KANK1: variants seen among roughly 807,000 people sequenced by gnomAD.
The protein encoded by KANK1 is KN motif and ankyrin repeat domain-containing protein 1.
In KANK1, 109 loss-of-function variants were observed where a neutral mutation model predicts 106.2. That is an observed-to-expected ratio of 1.03 (90% CI 0.88 to 1.20). The LOEUF (loss-of-function observed/expected upper bound fraction) is 1.20, where lower values mean the gene tolerates loss of function less well. KANK1 is among the 50% of genes most tolerant of loss of function. The probability of loss-of-function intolerance (pLI) is 0.00; values close to 1 mark genes in which losing one functional copy is unlikely to be tolerated. For missense variants in KANK1, 2,399 were observed against 1,710.7 expected, an observed-to-expected ratio of 1.40 and a Z score of -7.10; for synonymous variants, 873 against 652.2, an observed-to-expected ratio of 1.34 and a Z score of -5.16.
intron 3 of KANK1, among the ~76,000 whole-genome samples, chr9:724,208 T>C (rs1413399415): frequency 1.3e-5 from 2 of 152,212 alleles, no homozygotes; most frequent in African/African-American, 2.4e-5. Context: ...TTGCATTTTT[T>C]AGAGTTCTTT....
intron 3 of KANK1, among the ~76,000 whole-genome samples, chr9:723,986 C>T: frequency 6.6e-6 from 1 of 150,890 alleles, no homozygotes; most frequent in East Asian, 1.9e-4. Flanking sequence ...GTCTGTGGTC[C>T]CAGCTATTTG....
chr9:598,314 C>A (rs1826730959), intron 1 of KANK1, among the ~76,000 whole-genome samples: 1 of 151,040 alleles, frequency 6.6e-6, no homozygotes, highest in Non-Finnish European at 1.5e-5. Flanking sequence ...CAACTTTTTT[C>A]TTTTTTTTAG....
rs1204222837 is a variant in KANK1, at chr9:504,729, C to A, written c.-109C>A. ...GTCCGCGGCGGAGCGAGCGAGCGGC[C>A]GGCAGGTTGGGAGGAGCGGCCGAAG... On this transcript the variant is annotated 5_prime_UTR_variant, in exon 1 of 12. Transcript: ENST00000382297. 1 of 149,088 alleles carries A rather than the reference C, an allele frequency of 6.7e-6. No homozygotes were observed. Among genetic ancestry groups the A allele is most frequent in the East Asian group, 2.0e-4 (1 of 4,926 alleles). 9.2% of individuals were successfully genotyped at this position (149,088 alleles called of 1,614,324 possible).
At chr9:507,382 T>A (rs1314763080) in intron 1 of KANK1, among the ~76,000 whole-genome samples, 2 of 151,952 alleles carry the variant, frequency 1.3e-5, no homozygotes, top group African/African-American at 2.4e-5. Flanking sequence ...ACCATAGGTA[T>A]ACATATCCCA....
intron 2 of KANK1, chr9:681,073 G>A (rs1817465915): frequency 6.6e-6 from 1 of 152,178 alleles, no homozygotes; most frequent in Non-Finnish European, 1.5e-5. Context: ...TTTTAAATTA[G>A]CCAGGCATAG....
intron 1 of KANK1, among the ~76,000 whole-genome samples, 180 bp from the exon 2 acceptor site, chr9:676,710 C>T (rs565175704): frequency 2.6e-5 from 4 of 152,280 alleles, no homozygotes; most frequent in African/African-American, 4.8e-5. Context: ...CTGGTACATC[C>T]GTGGGTGTTA....
intron 1 of KANK1, among the ~76,000 whole-genome samples, chr9:619,416 G>T (rs1036584847): frequency 2.0e-5 from 3 of 152,176 alleles, no homozygotes; most frequent in African/African-American, 7.2e-5. Context: ...GATGGGTAGA[G>T]TATAATTGTC....
At chr9:699,671 T>G (rs1008288533) in intron 2 of KANK1, among the ~76,000 whole-genome samples, 11 of 152,222 alleles carry the variant, frequency 7.2e-5, no homozygotes, top group African/African-American at 2.7e-4. Context: ...ATGCTACATA[T>G]GTGTCAACTG....
At chr9:568,580 C>A (rs1434475948) in intron 1 of KANK1, among the ~76,000 whole-genome samples, 1 of 152,258 alleles carries the variant, frequency 6.6e-6, no homozygotes, top group Middle Eastern at 3.4e-3. Flanking sequence ...ACCTCAAACT[C>A]CTGGGCTCAA....
intron 1 of KANK1, among the ~76,000 whole-genome samples, chr9:655,665 ACC>A (rs2137788210): frequency 6.6e-6 from 1 of 152,286 alleles, no homozygotes; most frequent in East Asian, 1.9e-4. Context: ...GAAAGTGTTG[ACC>A]TATGTAAGTG....
chr9:496,328 C>T (rs889489628), intron 3 of KANK1, among the ~76,000 whole-genome samples: 12 of 152,130 alleles, frequency 7.9e-5, no homozygotes, highest in East Asian at 1.9e-4. Context: ...CCGAGGCGAG[C>T]GGATCACTTG....
intron 1 of KANK1, among the ~76,000 whole-genome samples, chr9:630,536 G>A (rs1006836191): frequency 3.3e-5 from 5 of 152,144 alleles, no homozygotes; most frequent in Non-Finnish European, 7.3e-5. Flanking sequence ...GGGCGACAGA[G>A]CGAGACTCAG....
chr9:691,723 C>T (rs1489058875), intron 2 of KANK1, among the ~76,000 whole-genome samples: 3 of 148,078 alleles, frequency 2.0e-5, no homozygotes, highest in Non-Finnish European at 4.4e-5. Context: ...AAGTAATCCT[C>T]CCAGTCTCAG....
rs190660037 is a variant in KANK1, at chr9:510,365, A to T, written c.-84+5611A>T. On this transcript the variant is annotated intron_variant, in intron 1 of 11. Coordinates refer to ENST00000382297, the MANE Select transcript of KANK1 (RefSeq NM_015158.5). ...ACCATTAAGTAGTTGATTGTCCAGA[A>T]ATTATATCTAATAATTAAAAATACC... Among the ~76,000 whole-genome samples, 435 of 152,324 alleles carry T rather than the reference A, an allele frequency of 2.9e-3. 1 individual carries two copies. Among genetic ancestry groups the T allele is most frequent in the African/African-American group, 8.7e-3 (362 of 41,570 alleles).
intron 1 of KANK1, among the ~76,000 whole-genome samples, chr9:556,654 C>A (rs191685690): frequency 2.7e-5 from 4 of 148,154 alleles, no homozygotes; most frequent in African/African-American, 1.0e-4. Flanking sequence ...GTCATTTGTC[C>A]AGTTACTCTC....
intron 2 of KANK1, chr9:684,593 T>A (rs1818192621): frequency 1.0e-6 from 1 of 985,104 alleles, no homozygotes; most frequent in East Asian, 1.1e-4. Context: ...TGGCATTTAT[T>A]TCTGATTATG....
At chr9:481,532 T>C (rs1229516224) in intron 3 of KANK1, among the ~76,000 whole-genome samples, 1 of 152,128 alleles carries the variant, frequency 6.6e-6, no homozygotes, top group East Asian at 1.9e-4. Context: ...TTGAATGTGG[T>C]CTCCATCCTC....
chr9:662,606 G>T (rs557278189), intron 1 of KANK1, among the ~76,000 whole-genome samples: 3 of 152,008 alleles, frequency 2.0e-5, no homozygotes, highest in South Asian at 4.2e-4. Context: ...GGGAAAACTG[G>T]CTAACTATAT....
Position 730,059 on chromosome 9 carries a change from T to C in KANK1, c.2707T>C (p.Leu903=). The change falls in exon 4 of 12, where the codon TTG becomes CTG. Residue 903 remains leucine (L), a synonymous_variant. Transcript: ENST00000382297. The stretch of plus-strand genomic sequence containing the variant: ...TTTCTTTTTCCTGATAGGCAATTAT[T>C]TGGGATATACCTGTAAGTGTGGGGG... ...TSLGKITGNY[L]GYTCKCGGLQ... is the part of the protein sequence containing the mutation. The C allele has an allele frequency of 6.2e-7, 1 of 1,614,042 alleles. No individual in the cohort carries two copies.
Sources: allele counts gnomAD v4.1 joint callset (sites outside exome capture counted in the v4.1 genomes callset), GRCh38; gene constraint gnomAD v4.1.1; transcripts MANE v1.5; gene names NCBI Gene and HGNC (gene_info 2026-07-23, HGNC 2026-07-21).